Variants in AGBL1 observed in about 807,000 individuals in gnomAD.
AGBL1 encodes cytosolic carboxypeptidase 4.
Under a neutral mutation model 118.9 loss-of-function variants are expected in AGBL1, and 130 were observed. The ratio of observed to expected loss-of-function variants is 1.09; its 90% CI spans 0.95 to 1.26. AGBL1 has a LOEUF of 1.26. AGBL1 is among the 50% of genes most tolerant of loss of function. The probability of loss-of-function intolerance (pLI) is 0.00; values close to 1 mark genes in which losing one functional copy is unlikely to be tolerated. For synonymous variants in AGBL1, 555 were observed against 478.9 expected (o/e 1.16, Z -2.08); for missense variants, 1,584 against 1,298.1 (o/e 1.22, Z -3.38).
intron 22 of AGBL1, among the ~76,000 whole-genome samples, chr15:86,880,285 AT>A (rs1474710968): frequency 6.6e-6 from 1 of 152,226 alleles, no homozygotes; most frequent in Admixed American, 6.5e-5. Flanking sequence ...TAGAGGACTC[AT>A]AGCCTCAGAG....
chr15:86,777,873 T>G (rs2078280861), intron 22 of AGBL1, among the ~76,000 whole-genome samples: 1 of 152,160 alleles, frequency 6.6e-6, no homozygotes, highest in Admixed American at 6.6e-5. Context: ...ATCAAGAAAC[T>G]GTCACCTAGA....
At position 86,669,959 on chromosome 15, in the gene AGBL1, C is replaced by G. The variant is rs572376356; in HGVS notation, c.2995-4314C>G. Among the ~76,000 whole-genome samples the G allele has an allele frequency of 2.0e-5, 3 of 152,190 alleles. No homozygotes were observed. In the East Asian group the frequency reaches 5.8e-4, roughly 29 times the overall value. On this transcript the variant is annotated intron_variant, in intron 21 of 22. Coordinates refer to ENST00000614907, the MANE Select transcript of AGBL1 (RefSeq NM_001386094.1). ...TATTCAACTTTATTTAAATCATGCGCATTTTTCATATTCTAAATGGTTGTT... is the reference window on the plus strand; with the variant it reads ...TATTCAACTTTATTTAAATCATGCGGATTTTTCATATTCTAAATGGTTGTT...
intron 3 of AGBL1, among the ~76,000 whole-genome samples, chr15:86,145,323 C>T (rs1056567197): frequency 6.6e-6 from 1 of 152,192 alleles, no homozygotes; most frequent in Non-Finnish European, 1.5e-5. Context: ...TCCATTTAGG[C>T]TCCATAGTCA....
At position 87,005,773 on chromosome 15, in the gene AGBL1, AT is replaced by A. The variant is rs1220558148; in HGVS notation, c.3323+17690del. 3.3e-5 allele frequency among the ~76,000 whole-genome samples: 5 copies of A among 152,176 alleles called. No individual in the cohort carries two copies. In the East Asian group the frequency reaches 9.7e-4, roughly 29 times the overall value. ...CCTTTGGAAGAGGAGAGGTGCTCTG[AT>A]TTTTAGAATTTTCAGTTTTTCTGCT... On this transcript the variant is annotated intron_variant, in intron 24 of 24. Coordinates refer to the AGBL1 transcript ENST00000441037.
intron 19 of AGBL1, among the ~76,000 whole-genome samples, chr15:86,537,324 C>T (rs1368687034): frequency 3.9e-5 from 6 of 152,238 alleles, no homozygotes; most frequent in Non-Finnish European, 7.3e-5. Context: ...TAGATTAATG[C>T]TTCTACCTCG....
intron 15 of AGBL1, among the ~76,000 whole-genome samples, chr15:86,277,350 T>C (rs550254371): frequency 4.0e-5 from 6 of 151,140 alleles, no homozygotes; most frequent in Admixed American, 6.6e-5. Context: ...ATGTTGGTGG[T>C]GTGAGAAGAC....
chr15:86,145,568 G>T (rs1279144688), intron 3 of AGBL1, among the ~76,000 whole-genome samples: 8 of 152,294 alleles, frequency 5.3e-5, no homozygotes, highest in East Asian at 3.9e-4. Flanking sequence ...TGCCCAGGGG[G>T]TCTGGAGCAC....
intron 22 of AGBL1, among the ~76,000 whole-genome samples, chr15:86,736,972 A>G (rs2077611159): frequency 6.6e-6 from 1 of 152,218 alleles, no homozygotes; most frequent in Non-Finnish European, 1.5e-5. Flanking sequence ...GGAGGCAAAG[A>G]TCCTAGCTTG....
At chr15:86,903,743 G>A (rs2080243027) in intron 22 of AGBL1, among the ~76,000 whole-genome samples, 1 of 152,140 alleles carries the variant, frequency 6.6e-6, no homozygotes, top group Non-Finnish European at 1.5e-5. Context: ...TGTGGGGAGG[G>A]GCTCCTTGCT....
intron 22 of AGBL1, among the ~76,000 whole-genome samples, chr15:86,791,632 T>C (rs1323652351): frequency 1.3e-5 from 2 of 151,964 alleles, no homozygotes; most frequent in Admixed American, 6.6e-5. Flanking sequence ...GTTTCTTGGG[T>C]ATCTAAATCT....
chr15:86,544,421 A>G (rs1317094437), intron 19 of AGBL1, among the ~76,000 whole-genome samples: 2 of 152,198 alleles, frequency 1.3e-5, no homozygotes, highest in Non-Finnish European at 2.9e-5. Flanking sequence ...AAGATGCTAC[A>G]TAGCTGTATT....
chr15:86,950,529 G>GTA (rs1325793560), intron 23 of AGBL1, among the ~76,000 whole-genome samples: 70 of 150,072 alleles, frequency 4.7e-4, no homozygotes, highest in Admixed American at 2.0e-3. Flanking sequence ...ATATATATAT[G>GTA]TATATATATA....
intron 23 of AGBL1, among the ~76,000 whole-genome samples, chr15:86,925,369 C>T (rs772070524): frequency 1.1e-4 from 17 of 152,014 alleles, no homozygotes; most frequent in Admixed American, 6.5e-5. Flanking sequence ...CAAGGAACAC[C>T]CTTTGAGAAC....
chr15:86,598,014 T>C (rs1028466207), intron 21 of AGBL1, among the ~76,000 whole-genome samples: 2 of 152,144 alleles, frequency 1.3e-5, no homozygotes, highest in Non-Finnish European at 2.9e-5. Context: ...GGACTTCCTA[T>C]GTGGGTCAGA....
intron 22 of AGBL1, among the ~76,000 whole-genome samples, chr15:86,896,791 C>A (rs532468249): frequency 6.6e-6 from 1 of 152,076 alleles, no homozygotes; most frequent in Non-Finnish European, 1.5e-5. Flanking sequence ...CTTTTGTAAA[C>A]ATCATTTCCA....
intron 22 of AGBL1, among the ~76,000 whole-genome samples, chr15:86,693,677 A>G (rs187301568): frequency 7.2e-5 from 11 of 152,248 alleles, no homozygotes; most frequent in African/African-American, 1.9e-4. Flanking sequence ...GCCTAAGCCA[A>G]TGCCTAGAGG....
chr15:86,154,470 T>A lies in AGBL1; in HGVS notation c.303T>A (p.Leu101=). Residue 101 remains leucine (L), a synonymous_variant, in exon 4 of 23, where the codon CTT becomes CTA. Transcript: ENST00000614907. The part of the protein sequence containing the change: ...IGRKALELEA[L]DVTLILARKN... ...GGAAGGCCCTAGAATTGGAAGCACT[T>A]GATGTGACATTGATTCTGGCCAGGA... 1 of 1,613,006 alleles carries A rather than the reference T, an allele frequency of 6.2e-7. No homozygotes were observed. The highest frequency in any genetic ancestry group is 8.5e-7 in the Non-Finnish European group (1 of 1,179,494).
chr15:86,662,550 ACTCAAAGTATCTGGT>A, intron 21 of AGBL1, among the ~76,000 whole-genome samples: 1 of 152,204 alleles, frequency 6.6e-6, no homozygotes, highest in East Asian at 1.9e-4. Flanking sequence ...GAGCAGTGCT[ACTCAAAGTATCTGGT>A]CTATGAGCTT....
At chr15:86,482,651 G>A (rs1261344476) in intron 18 of AGBL1, among the ~76,000 whole-genome samples, 3 of 152,008 alleles carry the variant, frequency 2.0e-5, no homozygotes, top group Non-Finnish European at 4.4e-5. Context: ...CATAACATGA[G>A]GAGAGGAAAC....
Sources: allele counts gnomAD v4.1 joint callset (sites outside exome capture counted in the v4.1 genomes callset), GRCh38; gene constraint gnomAD v4.1.1; transcripts MANE v1.5; gene names NCBI Gene and HGNC (gene_info 2026-07-23, HGNC 2026-07-21).